The following RALGPS1 variants were observed in gnomAD, a reference collection of about 807,000 sequenced individuals.
RALGPS1 encodes Ral GEF with PH domain and SH3 binding motif 1, also known as ras-specific guanine nucleotide-releasing factor RalGPS1.
RALGPS1 carries 19 observed loss-of-function variants against 78.8 expected under a neutral mutation model. That is an observed-to-expected ratio of 0.24 (90% CI 0.17 to 0.35). The LOEUF is 0.35. Ranked by LOEUF, RALGPS1 falls within the 10% of genes least tolerant of loss-of-function variation. RALGPS1 has a pLI of 1.00. For missense variants in RALGPS1, 454 were observed against 688.3 expected, an observed-to-expected ratio of 0.66 and a Z score of 3.81; for synonymous variants, 228 against 256.3, an observed-to-expected ratio of 0.89 and a Z score of 1.06.
intron 8 of RALGPS1, among the ~76,000 whole-genome samples, chr9:127,104,752 A>G (rs1373500444): frequency 1.3e-5 from 2 of 152,240 alleles, no homozygotes; most frequent in East Asian, 3.8e-4. Flanking sequence ...GGGCAGACGA[A>G]GAAAAGAGCA....
chr9:127,050,463 AC>A (rs1277703032), intron 6 of RALGPS1, among the ~76,000 whole-genome samples: 2 of 152,104 alleles, frequency 1.3e-5, no homozygotes, highest in Non-Finnish European at 2.9e-5. Context: ...TCATTCTCCT[AC>A]TTTAGATTTA....
intron 1 of RALGPS1, among the ~76,000 whole-genome samples, chr9:126,948,175 T>C (rs1246658280): frequency 6.6e-6 from 1 of 152,092 alleles, no homozygotes; most frequent in African/African-American, 2.4e-5. Flanking sequence ...TTTTATACCT[T>C]TTTATCCAGT....
chr9:127,060,508 CCTG>C (rs1736371098), intron 7 of RALGPS1, among the ~76,000 whole-genome samples: 1 of 125,888 alleles, frequency 7.9e-6, no homozygotes, highest in South Asian at 2.4e-4. Context: ...GTAAGTATTA[CCTG>C]TTGTTGTTGT....
intron 14 of RALGPS1, among the ~76,000 whole-genome samples, chr9:127,201,896 C>T (rs2061651251): frequency 6.6e-6 from 1 of 152,248 alleles, no homozygotes; most frequent in African/African-American, 2.4e-5. Context: ...ACACAGCTTT[C>T]TCTGCAGGCC....
intron 5 of RALGPS1, among the ~76,000 whole-genome samples, chr9:127,041,029 A>ATTTGTGTG (rs2047250984): frequency 3.3e-5 from 1 of 30,576 alleles, no homozygotes; most frequent in Admixed American, 3.6e-4. Flanking sequence ...TGCTACAAAC[A>ATTTGTGTG]TTTGTGTGTG....
At chr9:127,213,326 G>C (rs2779710) in intron 17 of RALGPS1, among the ~76,000 whole-genome samples, 1 of 151,980 alleles carries the variant, frequency 6.6e-6, no homozygotes, top group South Asian at 2.1e-4. Flanking sequence ...GTAGTCTTAC[G>C]GTCTTGGAAT....
intron 1 of RALGPS1, among the ~76,000 whole-genome samples, chr9:126,936,252 T>C (rs934558053): frequency 1.3e-5 from 2 of 152,126 alleles, no homozygotes; most frequent in Non-Finnish European, 2.9e-5. Flanking sequence ...CTCTTGGCCA[T>C]GGAAGGGAGA....
At chr9:127,209,767 C>G (rs1442549549) in intron 14 of RALGPS1, among the ~76,000 whole-genome samples, 2 of 152,144 alleles carry the variant, frequency 1.3e-5, no homozygotes, top group East Asian at 3.9e-4. Context: ...TACGATGTAC[C>G]TGCTGCAATG....
chr9:127,117,110 C>A (rs1284823292), intron 8 of RALGPS1, among the ~76,000 whole-genome samples: 1 of 152,364 alleles, frequency 6.6e-6, no homozygotes, highest in Non-Finnish European at 1.5e-5. Flanking sequence ...ATGTGCTGTG[C>A]TTCCTGCCTC....
At chr9:127,153,869 G>A (rs2058568539) in intron 8 of RALGPS1, among the ~76,000 whole-genome samples, 1 of 152,242 alleles carries the variant, frequency 6.6e-6, no homozygotes, top group Admixed American at 6.5e-5. Flanking sequence ...ACCAATTGGT[G>A]CAGAGCAGAA....
At chr9:127,187,054 C>G (rs957080413) in intron 11 of RALGPS1, among the ~76,000 whole-genome samples, 1 of 152,132 alleles carries the variant, frequency 6.6e-6, no homozygotes. Flanking sequence ...TTGGAGCCTC[C>G]GCGTCTCACT....
At chr9:126,946,138 A>C (rs2037242961) in intron 1 of RALGPS1, among the ~76,000 whole-genome samples, 1 of 152,164 alleles carries the variant, frequency 6.6e-6, no homozygotes, top group Admixed American at 6.5e-5. Flanking sequence ...CATATTCCAC[A>C]GAGAGGAATT....
At chr9:127,077,575 G>A (rs866694479) in intron 8 of RALGPS1, among the ~76,000 whole-genome samples, 9 of 152,300 alleles carry the variant, frequency 5.9e-5, no homozygotes, top group Middle Eastern at 3.4e-3. Flanking sequence ...ACCACCCTAG[G>A]ACCAAGGTGC....
intron 8 of RALGPS1, among the ~76,000 whole-genome samples, chr9:127,128,809 C>G (rs938748111): frequency 6.6e-6 from 1 of 152,184 alleles, no homozygotes; most frequent in Non-Finnish European, 1.5e-5. Context: ...TAAGGTGGTG[C>G]TACTGTCCAG....
chr9:127,183,801 A>C lies in RALGPS1; in HGVS notation c.910+9019A>C. 1 of 1,359,530 alleles carries C rather than the reference A, an allele frequency of 7.4e-7. No individual in the cohort carries two copies. The highest frequency in any genetic ancestry group is 1.0e-6 in the Non-Finnish European group (1 of 1,001,872). The allele number at this position is 1,359,530 out of a possible 1,614,324, so 84.2% of individuals were successfully genotyped here. ...TGGGTGGGAGGGGCCCTCCATGAGG[A>C]CCTCAGGGATAGGAGGCCAGTTGTG... On this transcript the variant is annotated intron_variant, in intron 11 of 18. Coordinates refer to ENST00000259351, the MANE Select transcript of RALGPS1 (RefSeq NM_014636.3). This position sits in a 1 kb window ranked among gnomAD's most constrained non-coding sequence, Gnocchi z 4.0.
chr9:127,021,575 T>C lies in RALGPS1; in HGVS notation c.217-12856T>C, dbSNP rs138491965. Among the ~76,000 whole-genome samples the C allele has an allele frequency of 3.3e-5, 5 of 150,332 alleles. No individual in the cohort carries two copies. The East Asian group carries it at 9.7e-4, about 29-fold the overall frequency. On this transcript the variant is annotated intron_variant, in intron 4 of 18. Transcript: ENST00000259351. Reference sequence around the variant, plus strand: ...TCTGTATCATGCAGGTTTTCTGTAATGAACATGTATTAGGTCCCTAATTAA... The same window carrying C: ...TCTGTATCATGCAGGTTTTCTGTAACGAACATGTATTAGGTCCCTAATTAA...
chr9:126,936,471 C>T (rs2036268503), intron 1 of RALGPS1, among the ~76,000 whole-genome samples: 1 of 151,446 alleles, frequency 6.6e-6, no homozygotes. Context: ...GTAATAATGA[C>T]AAGAAATGGG....
At chr9:126,951,767 T>G (rs1034860497) in intron 1 of RALGPS1, among the ~76,000 whole-genome samples, 13 of 152,268 alleles carry the variant, frequency 8.5e-5, no homozygotes, top group East Asian at 1.9e-4. Context: ...CACAAGACAG[T>G]GATGCCCTCT....
At chr9:127,210,722 G>T in intron 14 of RALGPS1, 20 of 1,550,708 alleles carry the variant, frequency 1.3e-5, no homozygotes, top group Non-Finnish European at 1.7e-5. Flanking sequence ...CCACCCTGGG[G>T]CCCAACTGGC....
Sources: allele counts gnomAD v4.1 joint callset (sites outside exome capture counted in the v4.1 genomes callset), GRCh38; gene constraint gnomAD v4.1.1; non-coding constraint Gnocchi (gnomAD v3.1); transcripts MANE v1.5; gene names NCBI Gene and HGNC (gene_info 2026-07-23, HGNC 2026-07-21).